Variants in RIMBP2 observed in about 807,000 individuals in gnomAD.
RIMBP2 encodes RIMS binding protein 2, also known as RIMS-binding protein 2.
In RIMBP2, 48 loss-of-function variants were observed where a neutral mutation model predicts 118.6. The ratio of observed to expected loss-of-function variants is 0.40; its 90% CI spans 0.32 to 0.51. The LOEUF is 0.51. Ranked by LOEUF, RIMBP2 falls within the 20% of genes least tolerant of loss-of-function variation. The probability of loss-of-function intolerance (pLI) is 0.41; values close to 1 mark genes in which losing one functional copy is unlikely to be tolerated. For synonymous variants in RIMBP2, 762 were observed against 742.9 expected, an observed-to-expected ratio of 1.03 and a Z score of -0.42; for missense variants, 1,551 against 1,768.3, an observed-to-expected ratio of 0.88 and a Z score of 2.20.
At chr12:130,482,242 C>G (rs1045078595) in intron 4 of RIMBP2, among the ~76,000 whole-genome samples, 1 of 152,234 alleles carries the variant, frequency 6.6e-6, no homozygotes, top group African/African-American at 2.4e-5. Flanking sequence ...CTTCCAGCTC[C>G]AGAGAGGACT....
intron 2 of RIMBP2, among the ~76,000 whole-genome samples, chr12:130,600,998 C>T (rs571298671): frequency 3.7e-4 from 56 of 152,294 alleles, no homozygotes; most frequent in Admixed American, 7.8e-4. Flanking sequence ...GTAGCCATCT[C>T]CAAGCCCTAG....
chr12:130,437,411 C>A (rs1446762460), intron 12 of RIMBP2, 120 bp from the exon 13 acceptor site: 1 of 789,430 alleles, frequency 1.3e-6, no homozygotes. Context: ...CAGCGACCTC[C>A]GACTCCAACC....
intron 4 of RIMBP2, among the ~76,000 whole-genome samples, chr12:130,494,468 G>T (rs377571682): frequency 6.6e-6 from 1 of 151,896 alleles, no homozygotes; most frequent in African/African-American, 2.4e-5. Flanking sequence ...CTGAAACCCC[G>T]TCTCTACTCA....
chr12:130,511,494 C>G lies in RIMBP2; in HGVS notation c.-126-4724G>C, dbSNP rs1315995416. Among the ~76,000 whole-genome samples the G allele has an allele frequency of 6.6e-6, 1 of 152,220 alleles. No homozygotes were observed. Among genetic ancestry groups the G allele is most frequent in the Non-Finnish European group, 1.5e-5 (1 of 68,046 alleles). On this transcript the variant is annotated intron_variant, in intron 3 of 22. Coordinates refer to ENST00000690449, the MANE Select transcript of RIMBP2 (RefSeq NM_001393629.1). The surrounding 1 kb of genome is among the most constrained non-coding windows in gnomAD (Gnocchi z 4.3). ...CTAAGCCCCAGTGAGCTGGGTCCCACCCCTCCCTATTCCCCCAAGTCAAGG... is the reference window on the plus strand; with the variant it reads ...CTAAGCCCCAGTGAGCTGGGTCCCAGCCCTCCCTATTCCCCCAAGTCAAGG...
At chr12:130,649,736 G>A (rs942474880) in intron 1 of RIMBP2, among the ~76,000 whole-genome samples, 3 of 152,132 alleles carry the variant, frequency 2.0e-5, no homozygotes. Flanking sequence ...GAAAATCAGA[G>A]ATGTGGTCTC....
chr12:130,479,626 C>T (rs900177417), intron 4 of RIMBP2, among the ~76,000 whole-genome samples: 1 of 134,054 alleles, frequency 7.5e-6, no homozygotes, highest in Non-Finnish European at 1.5e-5. Flanking sequence ...GCCGAGTCCG[C>T]ACCCTCCCGG....
At chr12:130,633,126 C>T (rs1355527837) in intron 1 of RIMBP2, among the ~76,000 whole-genome samples, 1 of 152,100 alleles carries the variant, frequency 6.6e-6, no homozygotes, top group Non-Finnish European at 1.5e-5. Flanking sequence ...GAGTCAGCAC[C>T]CTCACGTTTT....
chr12:130,573,331 C>T (rs548168850), intron 2 of RIMBP2, among the ~76,000 whole-genome samples: 4 of 151,958 alleles, frequency 2.6e-5, no homozygotes, highest in African/African-American at 9.6e-5. Flanking sequence ...GATCAGAGGT[C>T]AATATTTTTA....
chr12:130,641,864 C>T (rs1419888912), intron 1 of RIMBP2, among the ~76,000 whole-genome samples: 1 of 152,112 alleles, frequency 6.6e-6, no homozygotes, highest in African/African-American at 2.4e-5. Context: ...CCATAGGTGA[C>T]AATGACAGCT....
At chr12:130,458,060 GC>G (rs769088612) in intron 6 of RIMBP2, among the ~76,000 whole-genome samples, 84 of 147,488 alleles carry the variant, frequency 5.7e-4, no homozygotes, top group Non-Finnish European at 9.7e-4. Context: ...CTCAGCAACA[GC>G]CCCCCACCTC....
intron 1 of RIMBP2, among the ~76,000 whole-genome samples, chr12:130,692,135 C>T (rs1289068410): frequency 6.6e-6 from 1 of 152,192 alleles, no homozygotes; most frequent in African/African-American, 2.4e-5. Flanking sequence ...ACTCACTACA[C>T]TGGGAGATGA....
At chr12:130,543,569 C>T (rs1457580373) in intron 2 of RIMBP2, among the ~76,000 whole-genome samples, 1 of 152,012 alleles carries the variant, frequency 6.6e-6, no homozygotes, top group Non-Finnish European at 1.5e-5. Context: ...CAAAGATGAG[C>T]CCTATAGATT....
At chr12:130,676,420 G>C (rs2064472065) in intron 1 of RIMBP2, among the ~76,000 whole-genome samples, 1 of 151,054 alleles carries the variant, frequency 6.6e-6, no homozygotes, top group African/African-American at 2.4e-5. Flanking sequence ...GTCCAGAGAT[G>C]GAGACCATCC....
At chr12:130,443,394 G>A (rs1228421049) in intron 10 of RIMBP2, among the ~76,000 whole-genome samples, 2 of 152,196 alleles carry the variant, frequency 1.3e-5, no homozygotes, top group Non-Finnish European at 2.9e-5. Context: ...AGAAAACGGA[G>A]AAGTGTTCAG....
chr12:130,597,009 T>C (rs2059600569), intron 2 of RIMBP2, among the ~76,000 whole-genome samples: 1 of 152,206 alleles, frequency 6.6e-6, no homozygotes, highest in African/African-American at 2.4e-5. Flanking sequence ...TTTCTAACAA[T>C]TATTTGTGGA....
chr12:130,438,332 C>T (rs765218611), intron 12 of RIMBP2, 33 bp downstream of exon 12: 8 of 1,441,356 alleles, frequency 5.6e-6, no homozygotes, highest in African/African-American at 1.4e-5. Flanking sequence ...TAGGGCCTAA[C>T]AAACCCTCCC....
At chr12:130,571,389 G>A (rs1429131044) in intron 2 of RIMBP2, among the ~76,000 whole-genome samples, 3 of 150,766 alleles carry the variant, frequency 2.0e-5, no homozygotes, top group African/African-American at 7.3e-5. Flanking sequence ...CTCAGCTGCC[G>A]TGTGTGCTAC....
Position 130,711,443 on chromosome 12 carries a change from T to A in RIMBP2, c.-352+4779A>T, listed in dbSNP as rs1288146509. Among the ~76,000 whole-genome samples, 3 of 152,350 alleles carry A rather than the reference T, an allele frequency of 2.0e-5. No homozygotes were observed. The East Asian group carries it at 5.8e-4, about 29-fold the overall frequency. On this transcript the variant is annotated intron_variant, in intron 1 of 22. Coordinates refer to ENST00000690449, the MANE Select transcript of RIMBP2 (RefSeq NM_001393629.1). ...TGACCATGAGAGTTTGGCCAGCACA[T>A]GTTCTTCCTTCTGATGGCCTCACTG...
intron 2 of RIMBP2, among the ~76,000 whole-genome samples, chr12:130,554,617 A>G (rs1311604758): frequency 6.6e-6 from 1 of 152,218 alleles, no homozygotes; most frequent in South Asian, 2.1e-4. Flanking sequence ...TTTATTTAAC[A>G]GATATTTGAA....
Sources: allele counts gnomAD v4.1 joint callset (sites outside exome capture counted in the v4.1 genomes callset), GRCh38; gene constraint gnomAD v4.1.1; non-coding constraint Gnocchi (gnomAD v3.1); transcripts MANE v1.5; gene names NCBI Gene and HGNC (gene_info 2026-07-23, HGNC 2026-07-21).